REXO2: variants seen among roughly 807,000 people sequenced by gnomAD.
REXO2 encodes the protein oligoribonuclease, mitochondrial.
In REXO2, 17 loss-of-function variants were observed where a neutral mutation model predicts 30.9. That is an observed-to-expected ratio of 0.55 (90% CI 0.38 to 0.82). The LOEUF is 0.82. Ranked by LOEUF, REXO2 falls within the 40% of genes least tolerant of loss-of-function variation. The pLI is 0.00. For synonymous variants in REXO2, 105 were observed against 99.6 expected (o/e 1.05, Z -0.32); for missense variants, 253 against 293.2 (o/e 0.86, Z 1.00).
At chr11:114,443,381 G>A (rs941643937) in intron 2 of REXO2, among the ~76,000 whole-genome samples, 14 of 151,856 alleles carry the variant, frequency 9.2e-5, no homozygotes, top group Admixed American at 5.2e-4. Context: ...GCCTCCCAGA[G>A]TGCTGGGATT....
In REXO2 at chr11:114,439,540, C is replaced by T. The variant is rs748496427; in HGVS notation, c.12C>T (p.Gly4=). Reference sequence around the variant, plus strand: ...GCTGGTCCCGGGTGATGCTAGGCGGCTCCCTGGGCTCCAGGCTGTTGCGGG... The same window carrying T: ...GCTGGTCCCGGGTGATGCTAGGCGGTTCCCTGGGCTCCAGGCTGTTGCGGG... The part of the protein sequence containing the change: MLG[G]SLGSRLLRGV... Residue 4 remains glycine (G), a synonymous_variant, in exon 1 of 7, where the codon GGC becomes GGT. Coordinates refer to ENST00000265881, the MANE Select transcript of REXO2 (RefSeq NM_015523.4). 2 of 1,607,468 alleles carry T rather than the reference C, an allele frequency of 1.2e-6. No homozygotes were observed. The highest frequency in any genetic ancestry group is 1.7e-6 in the Non-Finnish European group (2 of 1,179,474).
In REXO2 at chr11:114,444,514, T is replaced by TG. The variant is rs754109713; in HGVS notation, c.310-21dup. On this transcript the variant is annotated intron_variant, in intron 3 of 6. Coordinates refer to ENST00000265881, the MANE Select transcript of REXO2 (RefSeq NM_015523.4). ...AAACTGACTTTACATGTGTTTTTGG[T>TG]GGGGGGCTGGGGATTCTCTCTTGCA... 17 of 1,525,922 alleles carry TG rather than the reference T, an allele frequency of 1.1e-5. No homozygotes were observed. In the East Asian group the frequency reaches 2.5e-4, roughly 22 times the overall value. 94.5% of individuals were successfully genotyped at this position (1,525,922 alleles called of 1,614,324 possible). A position where few individuals can be genotyped will look rare whatever the true frequency, so the allele number is the denominator to read the frequency against.
At chr11:114,442,763 G>A (rs941562021) in intron 2 of REXO2, among the ~76,000 whole-genome samples, 2 of 152,148 alleles carry the variant, frequency 1.3e-5, no homozygotes, top group African/African-American at 2.4e-5. Context: ...CTTTAATGCC[G>A]TAGCTACTGT....
intron 2 of REXO2, among the ~76,000 whole-genome samples, chr11:114,442,252 A>G (rs1946483977): frequency 6.6e-6 from 1 of 152,038 alleles, no homozygotes; most frequent in Non-Finnish European, 1.5e-5. Context: ...CTGGTAGAAG[A>G]GCAGGCATCC....
intron 3 of REXO2, 124 bp from the exon 4 acceptor site, chr11:114,444,417 C>G: frequency 2.8e-6 from 2 of 706,324 alleles, no homozygotes; most frequent in Non-Finnish European, 2.5e-6. Flanking sequence ...TGAACTTGAG[C>G]TCTAAAAATG....
At chr11:114,442,442 T>G (rs1381023246) in intron 2 of REXO2, among the ~76,000 whole-genome samples, 1 of 152,094 alleles carries the variant, frequency 6.6e-6, no homozygotes, top group African/African-American at 2.4e-5. Context: ...AAAACATCTG[T>G]TATCCAAGCA....
intron 5 of REXO2, among the ~76,000 whole-genome samples, chr11:114,447,302 T>C (rs1220566625): frequency 6.6e-6 from 1 of 152,140 alleles, no homozygotes; most frequent in Non-Finnish European, 1.5e-5. Context: ...GAGGGGCTTG[T>C]ATGATAAAAA....
intron 2 of REXO2, among the ~76,000 whole-genome samples, chr11:114,442,861 ATCAACAATTACCTCTTTAATTT>A (rs1483679406): frequency 6.6e-6 from 1 of 152,216 alleles, no homozygotes; most frequent in Non-Finnish European, 1.5e-5. Flanking sequence ...TGTTTTGGAT[ATCAACAATTACCTCTTTAATTT>A]TTTTTTAAAT....
intron 2 of REXO2, 50 bp from the exon 3 acceptor site, chr11:114,443,806 A>T: frequency 7.4e-7 from 1 of 1,350,806 alleles, no homozygotes; most frequent in Non-Finnish European, 1.0e-6. Context: ...CTCTGAAAGT[A>T]AGGTTATTCC....
In REXO2 at chr11:114,439,537, C is replaced by G; in HGVS notation, c.9C>G (p.Gly3=). ...GCTGCTGGTCCCGGGTGATGCTAGG[C>G]GGCTCCCTGGGCTCCAGGCTGTTGC... ML[G]GSLGSRLLRG... Residue 3 remains glycine (G), a synonymous_variant, in exon 1 of 7, where the codon GGC becomes GGG. Coordinates refer to ENST00000265881, the MANE Select transcript of REXO2 (RefSeq NM_015523.4). 6.2e-7 allele frequency: 1 copy of G among 1,607,094 alleles called. No homozygotes were observed. Among genetic ancestry groups the G allele is most frequent in the Non-Finnish European group, 8.5e-7 (1 of 1,179,418 alleles).
chr11:114,445,704 G>A (rs1946506314), intron 4 of REXO2: 1 of 279,556 alleles, frequency 3.6e-6, no homozygotes, highest in Non-Finnish European at 6.8e-6. Flanking sequence ...ATAGATTTGT[G>A]CATTACATCA....
At chr11:114,440,369 T>G (rs1040375834) in intron 1 of REXO2, among the ~76,000 whole-genome samples, 1 of 152,214 alleles carries the variant, frequency 6.6e-6, no homozygotes, top group Non-Finnish European at 1.5e-5. Flanking sequence ...GTTATCCAAC[T>G]CTTCCAAAAC....
intron 1 of REXO2, 135 bp downstream of exon 1, chr11:114,439,810 G>C: frequency 8.3e-6 from 9 of 1,090,420 alleles, no homozygotes; most frequent in Non-Finnish European, 1.1e-5. Context: ...GGCCACGGGC[G>C]GTGCAGGGCA....
chr11:114,443,107 T>A (rs941354880), intron 2 of REXO2, among the ~76,000 whole-genome samples: 1 of 151,730 alleles, frequency 6.6e-6, no homozygotes, highest in African/African-American at 2.4e-5. Context: ...TCACCTGCAA[T>A]ATAGATACTT....
chr11:114,441,268 C>T (rs76311693), intron 2 of REXO2, among the ~76,000 whole-genome samples: 6,314 of 152,202 alleles, frequency 0.041, 155 homozygotes, highest in Middle Eastern at 0.092. Context: ...CCAATGTTTG[C>T]GTCTTTATAT....
intron 4 of REXO2, 24 bp downstream of exon 4, chr11:114,444,676 CT>C (rs750711707): frequency 6.9e-7 from 1 of 1,446,868 alleles, no homozygotes; most frequent in Non-Finnish European, 9.4e-7. Context: ...CTGTGTATAT[CT>C]TATAGTCTTC....
intron 5 of REXO2, 179 bp downstream of exon 5, chr11:114,446,266 G>A (rs752267143): frequency 3.2e-4 from 135 of 417,382 alleles, no homozygotes; most frequent in Non-Finnish European, 5.1e-4. Flanking sequence ...AGAATTGGGA[G>A]CAACAACGTC....
intron 5 of REXO2, among the ~76,000 whole-genome samples, chr11:114,447,018 A>G (rs1047783426): frequency 1.4e-5 from 2 of 142,732 alleles, no homozygotes; most frequent in Admixed American, 1.5e-4. Context: ...CGCTCACTGC[A>G]AGCTCCGCCT....
At chr11:114,440,198 C>T (rs951847794) in intron 1 of REXO2, 3 of 453,922 alleles carry the variant, frequency 6.6e-6, no homozygotes, top group Admixed American at 4.9e-5. Flanking sequence ...GTTCCTATCC[C>T]TTCAGGCTTT....
Sources: allele counts gnomAD v4.1 joint callset (sites outside exome capture counted in the v4.1 genomes callset), GRCh38; gene constraint gnomAD v4.1.1; transcripts MANE v1.5; gene names NCBI Gene and HGNC (gene_info 2026-07-23, HGNC 2026-07-21).